FAM135B: variants seen among roughly 807,000 people sequenced by gnomAD.
FAM135B encodes the protein protein FAM135B.
A neutral mutation model predicts 127.7 loss-of-function variants in FAM135B; 43 were observed. The ratio of observed to expected loss-of-function variants is 0.34; its 90% CI spans 0.26 to 0.43. The LOEUF (loss-of-function observed/expected upper bound fraction) is 0.43, where lower values mean the gene tolerates loss of function less well. Ranked by LOEUF, FAM135B falls within the 20% of genes least tolerant of loss-of-function variation. The pLI, the probability that FAM135B is intolerant of heterozygous loss-of-function variation, is 1.00. For synonymous variants in FAM135B, 670 were observed against 665.1 expected, an observed-to-expected ratio of 1.01 and a Z score of -0.11; for missense variants, 1,558 against 1,725.6, an observed-to-expected ratio of 0.90 and a Z score of 1.72.
intron 7 of FAM135B, among the ~76,000 whole-genome samples, chr8:138,221,701 G>T (rs7840805): frequency 6.6e-6 from 1 of 152,030 alleles, no homozygotes; most frequent in South Asian, 2.1e-4. Context: ...GATTACCTCA[G>T]TGATTGGGTA....
chr8:138,179,950 C>T (rs547835273), intron 9 of FAM135B, among the ~76,000 whole-genome samples: 5 of 152,250 alleles, frequency 3.3e-5, no homozygotes, highest in East Asian at 3.9e-4. Flanking sequence ...TGGGATTACA[C>T]GTATGAGCCA....
intron 11 of FAM135B, among the ~76,000 whole-genome samples, chr8:138,174,385 C>T (rs1347024945): frequency 6.6e-6 from 1 of 152,116 alleles, no homozygotes; most frequent in African/African-American, 2.4e-5. Context: ...GCTCTGACCT[C>T]CAGGTGTGCA....
intron 1 of FAM135B, among the ~76,000 whole-genome samples, chr8:138,380,010 T>C (rs1215837128): frequency 1.3e-5 from 2 of 152,140 alleles, no homozygotes; most frequent in Admixed American, 1.3e-4. Flanking sequence ...CTGCATTTAT[T>C]AATGGCTATA....
intron 1 of FAM135B, among the ~76,000 whole-genome samples, chr8:138,377,166 T>A (rs1831531743): frequency 6.6e-6 from 1 of 152,216 alleles, no homozygotes; most frequent in Non-Finnish European, 1.5e-5. Flanking sequence ...GAGTATATGG[T>A]CTTTGAAAGA....
chr8:138,344,577 C>CTTTCTTTT (rs1488668233), intron 2 of FAM135B, among the ~76,000 whole-genome samples: 5 of 83,934 alleles, frequency 6.0e-5, no homozygotes, highest in South Asian at 3.2e-4. Context: ...TTCTTTCTTT[C>CTTTCTTTT]TTTTTTTTTT....
At chr8:138,263,293 C>T (rs529776542) in intron 4 of FAM135B, among the ~76,000 whole-genome samples, 8 of 152,210 alleles carry the variant, frequency 5.3e-5, no homozygotes, top group South Asian at 2.1e-4. Context: ...TCCAGCACAC[C>T]GCCGGACACA....
intron 3 of FAM135B, among the ~76,000 whole-genome samples, chr8:138,281,466 T>TTA: frequency 6.8e-6 from 1 of 147,966 alleles, no homozygotes; most frequent in Non-Finnish European, 1.5e-5. Flanking sequence ...AGCATCAGTT[T>TTA]AAAAAAAAAA....
intron 7 of FAM135B, among the ~76,000 whole-genome samples, chr8:138,237,365 T>C (rs1820382951): frequency 6.6e-6 from 1 of 152,080 alleles, no homozygotes; most frequent in African/African-American, 2.4e-5. Context: ...TTCTCCATGT[T>C]GGCCAGGCTG....
chr8:138,234,841 C>A (rs1347735971), intron 7 of FAM135B, among the ~76,000 whole-genome samples: 1 of 152,150 alleles, frequency 6.6e-6, no homozygotes, highest in Non-Finnish European at 1.5e-5. Flanking sequence ...TCACTGGGCT[C>A]AGTTTTTCTA....
chr8:138,395,801 A>G (rs1321779461), intron 1 of FAM135B, among the ~76,000 whole-genome samples: 2 of 152,222 alleles, frequency 1.3e-5, no homozygotes, highest in Non-Finnish European at 2.9e-5. Flanking sequence ...GACATTAGGC[A>G]CATTGTTTAA....
intron 1 of FAM135B, among the ~76,000 whole-genome samples, chr8:138,417,358 G>A (rs1373716449): frequency 6.6e-6 from 1 of 152,162 alleles, no homozygotes; most frequent in Non-Finnish European, 1.5e-5. Flanking sequence ...GCCTAAAGCT[G>A]GAGGGCTTCC....
chr8:138,267,433 A>T (rs1823022955), intron 3 of FAM135B, among the ~76,000 whole-genome samples: 1 of 151,354 alleles, frequency 6.6e-6, no homozygotes, highest in African/African-American at 2.4e-5. Context: ...GTGTAGATTC[A>T]TCCTCACATC....
chr8:138,371,441 C>A (rs1417253268), intron 1 of FAM135B, among the ~76,000 whole-genome samples: 1 of 152,068 alleles, frequency 6.6e-6, no homozygotes, highest in Non-Finnish European at 1.5e-5. Flanking sequence ...TGACACATAC[C>A]CAGCACACAC....
chr8:138,463,023 A>G (rs1837213311), intron 1 of FAM135B, among the ~76,000 whole-genome samples: 2 of 152,206 alleles, frequency 1.3e-5, no homozygotes, highest in South Asian at 4.1e-4. Flanking sequence ...ATTATTCCCA[A>G]AAGAACATCA....
chr8:138,244,571 G>T (rs1331258761), intron 6 of FAM135B, among the ~76,000 whole-genome samples: 1 of 152,214 alleles, frequency 6.6e-6, no homozygotes, highest in East Asian at 1.9e-4. Flanking sequence ...GGAGCTATCT[G>T]TTGCTAATAC....
chr8:138,416,528 C>T (rs1479117380), intron 1 of FAM135B, among the ~76,000 whole-genome samples: 1 of 152,156 alleles, frequency 6.6e-6, no homozygotes, highest in Non-Finnish European at 1.5e-5. Context: ...TTTTCCCCTT[C>T]TCTGTATAAG....
In FAM135B at chr8:138,132,534, C is replaced by T. The variant is rs115562066; in HGVS notation, c.*59G>A. Reference sequence around the variant, plus strand: ...AATGGTGAGGTCTGTAAAAGCAGGTCTCAGCTAAAGCTCTCCACCGATCGT... The same window carrying T: ...AATGGTGAGGTCTGTAAAAGCAGGTTTCAGCTAAAGCTCTCCACCGATCGT... On this transcript the variant is annotated 3_prime_UTR_variant, in exon 20 of 20. Coordinates refer to ENST00000395297, the MANE Select transcript of FAM135B (RefSeq NM_015912.4). The surrounding 1 kb of genome is among the most constrained non-coding windows in gnomAD (Gnocchi z 4.5). 1 of 1,427,610 alleles carries T rather than the reference C, an allele frequency of 7.0e-7. No individual in the cohort carries two copies. The highest frequency in any genetic ancestry group is 1.4e-5 in the African/African-American group (1 of 70,906). The allele number at this position is 1,427,610 out of a possible 1,614,324, so 88.4% of individuals were successfully genotyped here.
chr8:138,228,756 A>T (rs1357633107), intron 7 of FAM135B, among the ~76,000 whole-genome samples: 2 of 152,168 alleles, frequency 1.3e-5, no homozygotes, highest in African/African-American at 4.8e-5. Flanking sequence ...AAGGAGGAAG[A>T]CAGGAAGAGG....
chr8:138,404,522 T>G (rs982697308), intron 1 of FAM135B, among the ~76,000 whole-genome samples: 2 of 152,218 alleles, frequency 1.3e-5, no homozygotes, highest in Admixed American at 6.5e-5. Flanking sequence ...CTGTAGCATG[T>G]GATAGCATGC....
Sources: gnomAD v4.1 joint callset for allele counts (sites outside exome capture counted in the v4.1 genomes callset) on GRCh38, gnomAD v4.1.1 for gene constraint, Gnocchi (gnomAD v3.1) non-coding constraint, MANE v1.5 for transcripts, NCBI Gene and HGNC (gene_info 2026-07-23, HGNC 2026-07-21) for gene names.